Variants in GALNT13 observed in about 807,000 individuals in gnomAD.
GALNT13 encodes polypeptide N-acetylgalactosaminyltransferase 13, also known as UDP-GalNAc:polypeptide N-acetylgalactosaminyltransferase 13.
A neutral mutation model predicts 64.2 loss-of-function variants in GALNT13; 28 were observed. That is an observed-to-expected ratio of 0.44 (90% CI 0.32 to 0.60). The LOEUF (loss-of-function observed/expected upper bound fraction) is 0.60, where lower values mean the gene tolerates loss of function less well. GALNT13 is among the 20% of genes least tolerant of loss of function. The pLI, the probability that GALNT13 is intolerant of heterozygous loss-of-function variation, is 0.05. For synonymous variants in GALNT13, 214 were observed against 224.6 expected, an observed-to-expected ratio of 0.95 and a Z score of 0.42; for missense variants, 577 against 669.8, an observed-to-expected ratio of 0.86 and a Z score of 1.53.
chr2:153,188,526 C>T, the GALNT13 span, among the ~76,000 whole-genome samples: 15 of 152,164 alleles, frequency 9.9e-5, no homozygotes, highest in African/African-American at 3.1e-4. Context: ...ATGGAAGAAA[C>T]GTGAATCTGA....
intron 7 of GALNT13, among the ~76,000 whole-genome samples, chr2:154,252,724 A>AAGATAGATAGATAGAT (rs70983713): frequency 6.8e-5 from 10 of 146,850 alleles, no homozygotes; most frequent in South Asian, 2.2e-4. Context: ...CGAATGGAAA[A>AAGATAGATAGATAGAT]AGATAGATAG....
At chr2:153,766,292 T>TC in the GALNT13 span, among the ~76,000 whole-genome samples, 4 of 152,330 alleles carry the variant, frequency 2.6e-5, no homozygotes, top group East Asian at 7.7e-4. Flanking sequence ...ATAACTTTTT[T>TC]CTATGTCTTT....
the GALNT13 span, among the ~76,000 whole-genome samples, chr2:153,763,484 T>C: frequency 6.6e-5 from 10 of 152,170 alleles, no homozygotes; most frequent in African/African-American, 2.4e-4. Context: ...GAGATCTGAT[T>C]GTTTTATAAA....
the GALNT13 span, among the ~76,000 whole-genome samples, chr2:153,722,859 G>T: frequency 6.6e-6 from 1 of 150,662 alleles, no homozygotes; most frequent in Non-Finnish European, 1.5e-5. Flanking sequence ...ATTCACAGCC[G>T]AATTCTACCA....
At chr2:154,205,786 C>A (rs13027226) in intron 4 of GALNT13, among the ~76,000 whole-genome samples, 28,648 of 151,918 alleles carry the variant, frequency 0.19, 3,558 homozygotes, top group Admixed American at 0.31. Context: ...ACAGTAAAGA[C>A]CCTCCCTATA....
chr2:153,805,066 T>C, the GALNT13 span, among the ~76,000 whole-genome samples: 2 of 151,766 alleles, frequency 1.3e-5, no homozygotes, highest in Non-Finnish European at 2.9e-5. Flanking sequence ...ATACATAGAT[T>C]GATATATATG....
At chr2:153,756,869 T>G in the GALNT13 span, among the ~76,000 whole-genome samples, 2 of 152,134 alleles carry the variant, frequency 1.3e-5, no homozygotes, top group African/African-American at 4.8e-5. Context: ...TATCCTATTT[T>G]TTTCCAGGTG....
the GALNT13 span, among the ~76,000 whole-genome samples, chr2:153,430,475 G>A: frequency 2.6e-5 from 4 of 151,272 alleles, no homozygotes; most frequent in Non-Finnish European, 5.9e-5. Flanking sequence ...AATACTAATG[G>A]CTTCCTGTCC....
At chr2:153,491,944 AT>A in the GALNT13 span, among the ~76,000 whole-genome samples, 4 of 152,142 alleles carry the variant, frequency 2.6e-5, no homozygotes, top group Admixed American at 1.3e-4. Flanking sequence ...TATATGAAGC[AT>A]TTTAAATCAA....
At chr2:154,424,683 A>G (rs1037299142) in intron 11 of GALNT13, among the ~76,000 whole-genome samples, 2 of 152,202 alleles carry the variant, frequency 1.3e-5, no homozygotes, top group African/African-American at 4.8e-5. Flanking sequence ...TGCTTATTCT[A>G]CACTGGTTGC....
chr2:154,379,463 G>A (rs1698162551), intron 9 of GALNT13, among the ~76,000 whole-genome samples: 1 of 151,954 alleles, frequency 6.6e-6, no homozygotes, highest in Admixed American at 6.6e-5. Flanking sequence ...TAATTTTAAA[G>A]TAATTAATTT....
chr2:154,035,554 T>C (rs1226675929), intron 3 of GALNT13, among the ~76,000 whole-genome samples: 2 of 152,054 alleles, frequency 1.3e-5, no homozygotes, highest in Admixed American at 1.3e-4. Context: ...AGTGGAAAAT[T>C]ATTTTAAAGT....
At chr2:153,749,463 C>T in the GALNT13 span, among the ~76,000 whole-genome samples, 1 of 151,996 alleles carries the variant, frequency 6.6e-6, no homozygotes. Flanking sequence ...TTCTTCCAAT[C>T]TATGAACATG....
chr2:154,283,041 T>C (rs1692049720), intron 8 of GALNT13, among the ~76,000 whole-genome samples: 1 of 152,198 alleles, frequency 6.6e-6, no homozygotes. Context: ...TCTGTTCCAT[T>C]TGAATGACTT....
At chr2:154,228,255 A>T (rs1392007628) in intron 4 of GALNT13, among the ~76,000 whole-genome samples, 1 of 152,044 alleles carries the variant, frequency 6.6e-6, no homozygotes, top group East Asian at 1.9e-4. Context: ...AGAGATCTAC[A>T]CTTTTTTTTT....
intron 4 of GALNT13, among the ~76,000 whole-genome samples, chr2:154,166,521 T>G (rs1573791257): frequency 6.6e-6 from 1 of 152,212 alleles, no homozygotes; most frequent in African/African-American, 2.4e-5. Context: ...ACTTTTACAC[T>G]GTTGGTAGGA....
intron 4 of GALNT13, among the ~76,000 whole-genome samples, chr2:154,143,592 C>A (rs753205337): frequency 6.6e-6 from 1 of 150,722 alleles, no homozygotes; most frequent in Non-Finnish European, 1.5e-5. Context: ...CACGGTGGCT[C>A]ACACCTGTAA....
intron 11 of GALNT13, among the ~76,000 whole-genome samples, chr2:154,416,298 G>A (rs753540513): frequency 2.0e-5 from 3 of 151,978 alleles, no homozygotes; most frequent in Admixed American, 6.6e-5. Context: ...GGTGTCTGAT[G>A]AGGGAAAAGT....
chr2:153,213,148 C>G, the GALNT13 span, among the ~76,000 whole-genome samples: 1 of 152,216 alleles, frequency 6.6e-6, no homozygotes, highest in Non-Finnish European at 1.5e-5. Context: ...CATAAGAACC[C>G]TGGAACTTTA....
Sources: gnomAD v4.1 joint callset for allele counts (sites outside exome capture counted in the v4.1 genomes callset) on GRCh38, gnomAD v4.1.1 for gene constraint, MANE v1.5 for transcripts, NCBI Gene and HGNC (gene_info 2026-07-23, HGNC 2026-07-21) for gene names.